Variants in MYH16 observed in about 807,000 individuals in gnomAD.
MYH16 encodes putative uncharacterized protein MYH16.
At chr7:99,296,147 T>TA (rs1792487266) in intron 33 of MYH16, among the ~76,000 whole-genome samples, 3 of 133,456 alleles carry the variant, frequency 2.2e-5, no homozygotes, top group African/African-American at 9.0e-5. Context: ...CCATCTCAAT[T>TA]TAAAAAAAAA....
chr7:99,260,116 C>T (rs1169892290), intron 11 of MYH16: 1 of 1,508,474 alleles, frequency 6.6e-7, no homozygotes, highest in African/African-American at 1.4e-5. Context: ...GGGAGAGGCT[C>T]TCTGTGCCTG....
intron 6 of MYH16, chr7:99,252,615 C>T (rs1791823430): frequency 6.6e-6 from 1 of 152,266 alleles, no homozygotes; most frequent in Admixed American, 6.5e-5. Context: ...ACAAATGCCC[C>T]AAACCACAGA....
exon 20 of MYH16, chr7:99,273,391 C>T (rs1000255920): frequency 6.6e-6 from 3 of 456,652 alleles, no homozygotes; most frequent in East Asian, 6.9e-5. Context: ...CCTGCAGCTC[C>T]GTTTCTGGGG....
At chr7:99,290,267 TG>T (rs1792349427) in intron 30 of MYH16, among the ~76,000 whole-genome samples, 1 of 151,924 alleles carries the variant, frequency 6.6e-6, no homozygotes, top group Admixed American at 6.6e-5. Context: ...GAGGATTACT[TG>T]AGGCCAGGAG....
chr7:99,306,348 G>A (rs1792679183), intron 41 of MYH16, among the ~76,000 whole-genome samples: 1 of 152,002 alleles, frequency 6.6e-6, no homozygotes, highest in Non-Finnish European at 1.5e-5. Context: ...GGCCAACATG[G>A]TGAAACCCAT....
At chr7:99,274,142 C>G (rs1483587215) in intron 20 of MYH16, among the ~76,000 whole-genome samples, 1 of 152,240 alleles carries the variant, frequency 6.6e-6, no homozygotes, top group African/African-American at 2.4e-5. Context: ...ATTTCCTGTT[C>G]TTCCGAAACA....
chr7:99,282,663 G>A (rs1027445150), intron 23 of MYH16, among the ~76,000 whole-genome samples: 2 of 151,752 alleles, frequency 1.3e-5, no homozygotes, highest in Admixed American at 6.6e-5. Context: ...TTGAGATGGA[G>A]CTTCGCACTC....
At chr7:99,248,560 T>C (rs1791764557) in intron 3 of MYH16, among the ~76,000 whole-genome samples, 1 of 152,216 alleles carries the variant, frequency 6.6e-6, no homozygotes, top group South Asian at 2.1e-4. Flanking sequence ...TATGCCCAGC[T>C]AATTTCTTAA....
chr7:99,299,916 T>TTTTTATTTTA lies in MYH16; in HGVS notation n.4933+267_4933+276dup, dbSNP rs1030693966. Among the ~76,000 whole-genome samples the TTTTTATTTTA allele has an allele frequency of 8.1e-4, 121 of 148,574 alleles. 1 individual carries two copies. The highest frequency in any genetic ancestry group is 2.8e-3 in the African/African-American group (112 of 40,032). ...AAACAGGAAGTTGGGCCCGTCTAGA[T>TTTTTATTTTA]TTTTATTTTATTTTATTTATTTATT... On this transcript the variant is annotated intron_variant and non_coding_transcript_variant, in intron 37 of 41. Transcript: ENST00000439784.
downstream of MYH16, chr7:99,310,880 G>A (rs1312839289): frequency 1.3e-5 from 2 of 152,194 alleles, no homozygotes; most frequent in Non-Finnish European, 2.9e-5. Flanking sequence ...GAGCGCTATG[G>A]TGGAAAATGA....
chr7:99,248,674 G>A lies in MYH16; in HGVS notation n.512-317G>A, dbSNP rs186175355. 7.9e-5 allele frequency among the ~76,000 whole-genome samples: 12 copies of A among 152,352 alleles called. No homozygotes were observed. The East Asian group carries it at 2.3e-3, about 29-fold the overall frequency. On this transcript the variant is annotated intron_variant and non_coding_transcript_variant, in intron 3 of 41. Transcript: ENST00000439784. ...TGCTGGGATTACAGGCATGAGTCAT[G>A]CTGTCCAGCCCTCTGTGATTTTTGT...
chr7:99,253,127 C>G (rs896083935), intron 7 of MYH16: 3 of 151,588 alleles, frequency 2.0e-5, no homozygotes, highest in Non-Finnish European at 4.4e-5. Flanking sequence ...ATTAGCCTGG[C>G]ATGGTGGTAC....
chr7:99,252,581 C>T (rs1159663341), intron 6 of MYH16: 1 of 152,250 alleles, frequency 6.6e-6, no homozygotes, highest in African/African-American at 2.4e-5. Context: ...GGTAGCAGCC[C>T]TCCTGCTGGG....
rs151207615 is a variant in MYH16, at chr7:99,303,476, C to T, written n.5263+286C>T. On this transcript the variant is annotated intron_variant and non_coding_transcript_variant, in intron 39 of 41. Coordinates refer to ENST00000439784, the Ensembl canonical transcript of MYH16. ...AAAGAAGCCATCAAAGTGGGTTCATCTGGGCAGCCTTTTTGGCAATGAGAT... is the reference window on the plus strand; with the variant it reads ...AAAGAAGCCATCAAAGTGGGTTCATTTGGGCAGCCTTTTTGGCAATGAGAT... 2.4e-4 allele frequency among the ~76,000 whole-genome samples: 37 copies of T among 152,376 alleles called. No individual in the cohort carries two copies. In the East Asian group the frequency reaches 7.1e-3, roughly 29 times the overall value.
At chr7:99,246,715 A>C (rs1464082462) in intron 2 of MYH16, among the ~76,000 whole-genome samples, 2 of 151,976 alleles carry the variant, frequency 1.3e-5, no homozygotes, top group Non-Finnish European at 2.9e-5. Context: ...AATATATATA[A>C]ATAAAAAAAA....
chr7:99,294,807 C>T lies in MYH16; in HGVS notation n.4282+657C>T, dbSNP rs558214401. On this transcript the variant is annotated intron_variant and non_coding_transcript_variant, in intron 33 of 41. Coordinates refer to ENST00000439784, the Ensembl canonical transcript of MYH16. ...TCTCGAACTCCTGACCTCAAGTGAT[C>T]CACCCGCCTTGGCCTCCCTAAGTGC... is the stretch of plus-strand genomic sequence containing the variant. Among the ~76,000 whole-genome samples, 24 of 152,162 alleles carry T rather than the reference C, an allele frequency of 1.6e-4. No individual in the cohort carries two copies. The East Asian group carries it at 4.1e-3, about 26-fold the overall frequency.
chr7:99,265,483 G>C (rs911033838), intron 16 of MYH16: 1 of 152,704 alleles, frequency 6.5e-6, no homozygotes, highest in Admixed American at 6.5e-5. Flanking sequence ...TGGCACAGAT[G>C]CTCAGTTCAG....
At chr7:99,244,793 G>A (rs1287186884) in intron 2 of MYH16, among the ~76,000 whole-genome samples, 1 of 152,194 alleles carries the variant, frequency 6.6e-6, no homozygotes, top group African/African-American at 2.4e-5. Flanking sequence ...AGCCTGGGCT[G>A]AGAATGTCAA....
At chr7:99,261,860 C>T (rs921871890) in intron 13 of MYH16, 8 of 152,282 alleles carry the variant, frequency 5.3e-5, no homozygotes, top group African/African-American at 1.7e-4. Flanking sequence ...CAGACCTGTC[C>T]AGGCCACACC....
Sources: gnomAD v4.1 joint callset for allele counts (sites outside exome capture counted in the v4.1 genomes callset) on GRCh38, gnomAD v4.1.1 for gene constraint, MANE v1.5 for transcripts, NCBI Gene and HGNC (gene_info 2026-07-23, HGNC 2026-07-21) for gene names.